FAT1: variants seen among roughly 807,000 people sequenced by gnomAD.
The protein encoded by FAT1 is FAT atypical cadherin 1, also known as protocadherin Fat 1.
Under a neutral mutation model 329.8 loss-of-function variants are expected in FAT1, and 171 were observed. That is an observed-to-expected ratio of 0.52 (90% CI 0.46 to 0.59). The LOEUF (loss-of-function observed/expected upper bound fraction) is 0.59. FAT1 is among the 20% of genes least tolerant of loss of function. The pLI, the probability that FAT1 is intolerant of heterozygous loss-of-function variation, is 0.00. For missense variants in FAT1, 5,672 were observed against 5,774.4 expected, an observed-to-expected ratio of 0.98 and a Z score of 0.57; for synonymous variants, 2,233 against 2,228.6, an observed-to-expected ratio of 1.00 and a Z score of -0.06.
At position 186,617,213 on chromosome 4, in the gene FAT1, A is replaced by G. The variant is rs1739756368; in HGVS notation, c.8879-12T>C. The G allele has an allele frequency of 6.6e-7, 1 of 1,516,386 alleles. No individual in the cohort carries two copies. Among genetic ancestry groups the G allele is most frequent in the Non-Finnish European group, 8.9e-7 (1 of 1,119,510 alleles). 93.9% of individuals were successfully genotyped at this position (1,516,386 alleles called of 1,614,324 possible). A position where few individuals can be genotyped will look rare whatever the true frequency, so the allele number is the denominator to read the frequency against. On this transcript the variant is annotated splice_polypyrimidine_tract_variant and intron_variant, in intron 10 of 26. Coordinates refer to ENST00000441802, the MANE Select transcript of FAT1 (RefSeq NM_005245.4). ...TAAAGGATCCCCTCCTATTAAATCA[A>G]TGGAGGAAGATAATAATCAAATTTG...
At chr4:186,703,822 T>A (rs1744448710) in intron 2 of FAT1, among the ~76,000 whole-genome samples, 1 of 152,256 alleles carries the variant, frequency 6.6e-6, no homozygotes, top group African/African-American at 2.4e-5. Flanking sequence ...CTGACACGCA[T>A]CTTTCCACAC....
rs774793776 is a variant in FAT1, at chr4:186,601,341, G to A, written c.11568C>T (p.Thr3856=). Residue 3856 remains threonine, a synonymous_variant, in exon 21 of 27, where the codon ACC becomes ACT. Coordinates refer to ENST00000441802, the MANE Select transcript of FAT1 (RefSeq NM_005245.4). ...ENENKLEMKL[T]MRLRTYSTHA... is the part of the protein sequence containing the mutation. ...GCGTGGAATATGTTCTGAGCCTCATGGTCAGTTTCATCTCTAATTTGTTTT... is the reference window on the plus strand; with the variant it reads ...GCGTGGAATATGTTCTGAGCCTCATAGTCAGTTTCATCTCTAATTTGTTTT... The A allele has an allele frequency of 1.7e-5, 27 of 1,612,848 alleles. No individual in the cohort carries two copies. The South Asian group carries it at 2.7e-4, about 16-fold the overall frequency.
chr4:186,595,398 G>A (rs768538799), intron 26 of FAT1, among the ~76,000 whole-genome samples: 9 of 151,972 alleles, frequency 5.9e-5, no homozygotes, highest in Non-Finnish European at 1.0e-4. Flanking sequence ...CAAAACTGGG[G>A]TGATATTAAC....
At chr4:186,669,367 T>C (rs1742629499) in intron 2 of FAT1, among the ~76,000 whole-genome samples, 1 of 152,222 alleles carries the variant, frequency 6.6e-6, no homozygotes, top group Non-Finnish European at 1.5e-5. Flanking sequence ...GTGATGCTGC[T>C]GCGTGATGCT....
chr4:186,722,254 G>T (rs2126725479), intron 1 of FAT1, among the ~76,000 whole-genome samples: 1 of 152,278 alleles, frequency 6.6e-6, no homozygotes, highest in South Asian at 2.1e-4. Context: ...TATACAGGTG[G>T]CCCGAAATGA....
Position 186,682,526 on chromosome 4 carries a change from C to CAAA in FAT1, c.3266-18916_3266-18914dup, listed in dbSNP as rs10561120. 4.8e-4 allele frequency among the ~76,000 whole-genome samples: 57 copies of CAAA among 119,736 alleles called. 2 individuals are homozygous for CAAA. The highest frequency in any genetic ancestry group is 1.8e-3 in the African/African-American group (45 of 25,396). 78.6% of individuals were successfully genotyped at this position (119,736 alleles called of 152,430 possible). On this transcript the variant is annotated intron_variant, in intron 2 of 26. Transcript: ENST00000441802. ...TGAGTGAAAGAGCGAGACTCTGTCTCAAAAAAAAAAAAAAAAAAGAAAGTT... is the reference window on the plus strand; with the variant it reads ...TGAGTGAAAGAGCGAGACTCTGTCTCAAAAAAAAAAAAAAAAAAAAAGAAAGTT...
intron 2 of FAT1, among the ~76,000 whole-genome samples, chr4:186,699,955 C>T (rs1334019971): frequency 6.6e-6 from 1 of 152,182 alleles, no homozygotes; most frequent in East Asian, 1.9e-4. Flanking sequence ...AACCTCTACA[C>T]ACACAGGTCA....
intron 3 of FAT1, among the ~76,000 whole-genome samples, chr4:186,639,996 T>C (rs576891473): frequency 6.6e-6 from 1 of 152,198 alleles, no homozygotes; most frequent in South Asian, 2.1e-4. Flanking sequence ...TAGCCAGGCA[T>C]GGTGGCGCGT....
rs1186416448 is a variant in FAT1 at position 186,609,985 on chromosome 4, T to C, written c.9884A>G (p.Tyr3295Cys). The C allele has an allele frequency of 1.9e-6, 3 of 1,612,700 alleles. No homozygotes were observed. The highest frequency in any genetic ancestry group is 2.2e-5 in the South Asian group (2 of 91,040). The change falls in exon 15 of 27, where the codon TAT becomes TGT. Residue 3295 changes from tyrosine to cysteine, a missense_variant. Tyr to Cys is a radical substitution (Grantham distance 194). Around this residue, in one of 2 missense-constraint regions of FAT1, gnomAD observed 1,706 missense variants for 1,859.1 expected, o/e 0.92. Coordinates refer to ENST00000441802, the MANE Select transcript of FAT1 (RefSeq NM_005245.4). ...TAGGTAATACTCATGAGAGCTCTCA[T>C]AATCCAGATTCTCAATGATAAATAC... ...GAVFIIENLD[Y>C]ESSHEYYLTV...
chr4:186,699,309 T>C (rs1484708792), intron 2 of FAT1, among the ~76,000 whole-genome samples: 1 of 151,870 alleles, frequency 6.6e-6, no homozygotes, highest in Non-Finnish European at 1.5e-5. Context: ...CTAAAAAGAC[T>C]GTATTAGTAG....
In FAT1 at chr4:186,600,047, T is replaced by C. The variant is rs746994042; in HGVS notation, c.11954A>G (p.Gln3985Arg). Residue 3985 changes from glutamine (Q) to arginine (R), a missense_variant, in exon 22 of 27, where the codon CAG becomes CGG. Coordinates refer to ENST00000441802, the MANE Select transcript of FAT1 (RefSeq NM_005245.4). ...GCMDSIYLNG[Q>R]ELPLNSKPRS... is the part of the protein sequence containing the mutation. ...GGGTTTGCTGTTTAAAGGGAGCTCC[T>C]GCCCATTCAAATAAATGGAGTCCAT... is the stretch of plus-strand genomic sequence containing the variant. 2 of 1,613,584 alleles carry C rather than the reference T, an allele frequency of 1.2e-6. No homozygotes were observed. The highest frequency in any genetic ancestry group is 1.1e-5 in the South Asian group (1 of 91,082).
rs763178952 is a variant in FAT1 at position 186,709,341 on chromosome 4, C to T, written c.487G>A (p.Ala163Thr). 2 of 1,613,990 alleles carry T rather than the reference C, an allele frequency of 1.2e-6. No homozygotes were observed. The highest frequency in any genetic ancestry group is 8.5e-7 in the Non-Finnish European group (1 of 1,179,888). The change falls in exon 2 of 27, where the codon GCT (alanine) becomes ACT (threonine). Residue 163 changes from alanine to threonine, a missense_variant. By Grantham distance (58) the Ala-to-Thr change is moderately conservative. Transcript: ENST00000441802. The stretch of plus-strand genomic sequence containing the variant: ...ACTCTTGCGATACTGGTCCTTATAG[C>T]TGTGTTTTCAGGTAAAGAAACGCTG... ...SYSVSLPENT[A>T]IRTSIARVSA...
chr4:186,616,197 C>T (rs553718433), intron 11 of FAT1, among the ~76,000 whole-genome samples: 1 of 152,286 alleles, frequency 6.6e-6, no homozygotes, highest in East Asian at 1.9e-4. Context: ...AAGAACTCGT[C>T]TCATGTCATC....
chr4:186,606,544 T>C (rs536438670), intron 16 of FAT1, among the ~76,000 whole-genome samples: 3 of 152,210 alleles, frequency 2.0e-5, no homozygotes, highest in African/African-American at 2.4e-5. Context: ...AGTTAACATA[T>C]CTCAAATGCT....
intron 12 of FAT1, among the ~76,000 whole-genome samples, chr4:186,613,572 C>A (rs906970304): frequency 2.6e-5 from 4 of 152,184 alleles, no homozygotes; most frequent in African/African-American, 9.7e-5. Flanking sequence ...GAGGCCAGGG[C>A]CTCTCACCTT....
intron 9 of FAT1, among the ~76,000 whole-genome samples, chr4:186,626,501 A>G (rs1267374319): frequency 1.6e-4 from 21 of 133,558 alleles, no homozygotes; most frequent in Non-Finnish European, 2.6e-4. Flanking sequence ...TCATCAGCCT[A>G]CAGAATGAAT....
At chr4:186,716,611 T>A (rs1442074184) in intron 1 of FAT1, among the ~76,000 whole-genome samples, 2 of 151,968 alleles carry the variant, frequency 1.3e-5, no homozygotes, top group Admixed American at 1.3e-4. Flanking sequence ...AGAGATGGGG[T>A]TTCACCATGT....
At position 186,604,487 on chromosome 4, in the gene FAT1, T is replaced by C. The variant is rs201423674; in HGVS notation, c.10438A>G (p.Ile3480Val). 108 of 1,613,714 alleles carry C rather than the reference T, an allele frequency of 6.7e-5. No individual in the cohort carries two copies. The highest frequency in any genetic ancestry group is 9.0e-5 in the Non-Finnish European group (106 of 1,179,750). ...GCCTTCTCATCATTTCCAGTTACAA[T>C]AGTAAAGAAGAAGGGTGGACCGTTA... is the stretch of plus-strand genomic sequence containing the variant. ...SHNGPPFFFT[I>V]VTGNDEKAFE... is the part of the protein sequence containing the mutation. Residue 3480 changes from isoleucine (I) to valine (V), a missense_variant, in exon 18 of 27, where the codon ATT becomes GTT. This residue lies in a region of FAT1 where 1,706 missense variants were observed against 1,859.1 expected (regional missense o/e 0.92). Coordinates refer to ENST00000441802, the MANE Select transcript of FAT1 (RefSeq NM_005245.4).
intron 1 of FAT1, among the ~76,000 whole-genome samples, chr4:186,716,446 G>GA (rs1745208182): frequency 6.6e-6 from 1 of 151,916 alleles, no homozygotes; most frequent in Non-Finnish European, 1.5e-5. Flanking sequence ...TTCTTCCCCC[G>GA]AGACAGGGTC....
Sources: allele counts gnomAD v4.1 joint callset (sites outside exome capture counted in the v4.1 genomes callset), GRCh38; gene constraint gnomAD v4.1.1; regional missense constraint gnomAD v4.1.1; transcripts MANE v1.5; gene names NCBI Gene and HGNC (gene_info 2026-07-23, HGNC 2026-07-21).